The following MTRFR variants were observed in gnomAD, a reference collection of about 807,000 sequenced individuals.
MTRFR encodes the protein mitochondrial translation release factor in rescue.
MTRFR carries 10 observed loss-of-function variants against 11.9 expected under a neutral mutation model. The observed-to-expected ratio is 0.84, with a 90% CI of 0.52 to 1.42. MTRFR has a LOEUF of 1.42. MTRFR is among the 40% of genes most tolerant of loss of function. The probability of loss-of-function intolerance (pLI) is 0.00; values close to 1 mark genes in which losing one functional copy is unlikely to be tolerated. For missense variants in MTRFR, 196 were observed against 197.9 expected (o/e 0.99, Z 0.06); for synonymous variants, 77 against 79.1 (o/e 0.97, Z 0.14).
chr12:123,241,809 G>T (rs1429543342), intron 1 of MTRFR, among the ~76,000 whole-genome samples: 1 of 152,212 alleles, frequency 6.6e-6, no homozygotes, highest in African/African-American at 2.4e-5. Context: ...CATCCCTGCA[G>T]ATAGTCTGTC....
At chr12:123,246,981 G>T (rs557394149) in intron 1 of MTRFR, among the ~76,000 whole-genome samples, 114 of 151,582 alleles carry the variant, frequency 7.5e-4, no homozygotes, top group African/African-American at 2.8e-3. Flanking sequence ...CACCTGCCTC[G>T]GCCTCCCAAA....
chr12:123,254,302 G>A (rs896372117), intron 2 of MTRFR: 6 of 279,348 alleles, frequency 2.1e-5, no homozygotes, highest in South Asian at 4.8e-5. Flanking sequence ...AAAGGCAGGC[G>A]CCCGGGCAGC....
chr12:123,250,790 G>A (rs771680919), intron 1 of MTRFR: 1 of 152,218 alleles, frequency 6.6e-6, no homozygotes, highest in Non-Finnish European at 1.5e-5. Flanking sequence ...GTGGGTTAAT[G>A]GTCTATTTTT....
intron 1 of MTRFR, among the ~76,000 whole-genome samples, chr12:123,237,757 A>T (rs895370572): frequency 1.3e-5 from 2 of 152,220 alleles, no homozygotes; most frequent in African/African-American, 4.8e-5. Flanking sequence ...CTTACCAGCA[A>T]TACTCACTGG....
chr12:123,256,916 A>G lies in MTRFR; in HGVS notation c.386A>G (p.Lys129Arg). 1 of 1,613,984 alleles carries G rather than the reference A, an allele frequency of 6.2e-7. No individual in the cohort carries two copies. The highest frequency in any genetic ancestry group is 8.5e-7 in the Non-Finnish European group (1 of 1,179,980). Residue 129 changes from lysine to arginine, a missense_variant, in exon 3 of 3, where the codon AAA becomes AGA. By Grantham distance (26) the Lys-to-Arg change is conservative (BLOSUM62 2). Coordinates refer to ENST00000253233, the MANE Select transcript of MTRFR (RefSeq NM_152269.5). Reference sequence around the variant, plus strand: ...AATGGTGAAAACAGTCCTGTTCACAAAGAAAAACGAGAAGCGGCGAAGAAA... The same window carrying G: ...AATGGTGAAAACAGTCCTGTTCACAGAGAAAAACGAGAAGCGGCGAAGAAA... ...FYNGENSPVH[K>R]EKREAAKKKQ...
At chr12:123,236,112 A>T (rs2047846765) in intron 1 of MTRFR, among the ~76,000 whole-genome samples, 2 of 152,046 alleles carry the variant, frequency 1.3e-5, no homozygotes, top group Admixed American at 1.3e-4. Flanking sequence ...AAGGAAAAGG[A>T]GCTAACATTG....
intron 2 of MTRFR, among the ~76,000 whole-genome samples, chr12:123,255,787 G>A (rs1478703257): frequency 3.9e-5 from 6 of 152,154 alleles, no homozygotes; most frequent in Non-Finnish European, 7.4e-5. Flanking sequence ...ACCACGCCCA[G>A]CTAATTTTTT....
At chr12:123,235,677 G>A (rs2047839266) in intron 1 of MTRFR, among the ~76,000 whole-genome samples, 1 of 151,830 alleles carries the variant, frequency 6.6e-6, no homozygotes, top group Middle Eastern at 3.4e-3. Flanking sequence ...CGGCCTGGTA[G>A]TGAGTTATCT....
chr12:123,235,200 G>C (rs546532315), intron 1 of MTRFR, among the ~76,000 whole-genome samples: 1 of 152,124 alleles, frequency 6.6e-6, no homozygotes, highest in Non-Finnish European at 1.5e-5. Context: ...GATTTTGTTC[G>C]CACTCTAGGT....
intron 1 of MTRFR, among the ~76,000 whole-genome samples, chr12:123,237,922 G>T (rs1163322458): frequency 6.7e-6 from 1 of 149,678 alleles, no homozygotes; most frequent in East Asian, 2.0e-4. Flanking sequence ...TTGAGACGGA[G>T]TCTCACTCTG....
rs374815198 is a variant in MTRFR, at chr12:123,255,948, A to G, written c.283-865A>G. On this transcript the variant is annotated intron_variant, in intron 2 of 2. Coordinates refer to ENST00000253233, the MANE Select transcript of MTRFR (RefSeq NM_152269.5). The stretch of plus-strand genomic sequence containing the variant: ...GCCATCCAATCTTTACATTTTTGGT[A>G]CAGATGGGGGGTCTTGCTATGTTGC... 4.9e-4 allele frequency among the ~76,000 whole-genome samples: 75 copies of G among 152,210 alleles called. 1 individual carries two copies. Among genetic ancestry groups the G allele is most frequent in the African/African-American group, 1.7e-3 (72 of 41,534 alleles).
intron 1 of MTRFR, among the ~76,000 whole-genome samples, chr12:123,238,067 T>C (rs1291310937): frequency 2.0e-5 from 3 of 152,036 alleles, no homozygotes; most frequent in African/African-American, 7.2e-5. Context: ...GGCTAATTTT[T>C]TGTATTTTAG....
chr12:123,252,206 G>A (rs1158133442), intron 1 of MTRFR: 1 of 152,272 alleles, frequency 6.6e-6, no homozygotes, highest in African/African-American at 2.4e-5. Context: ...GGCTGAAGCA[G>A]GTGGATTACT....
At chr12:123,241,191 T>TA (rs1361388089) in intron 1 of MTRFR, among the ~76,000 whole-genome samples, 3 of 150,386 alleles carry the variant, frequency 2.0e-5, no homozygotes, top group African/African-American at 7.3e-5. Context: ...GGAGTCTCAC[T>TA]ATGTTGCCCA....
intron 1 of MTRFR, chr12:123,253,411 A>G (rs1038636369): frequency 8.7e-6 from 4 of 461,042 alleles, no homozygotes; most frequent in African/African-American, 4.0e-5. Flanking sequence ...TTTTTGGTCT[A>G]TTGCAAGAAA....
intron 1 of MTRFR, among the ~76,000 whole-genome samples, chr12:123,236,104 G>A (rs2047846605): frequency 1.3e-5 from 2 of 151,882 alleles, no homozygotes; most frequent in Admixed American, 6.6e-5. Context: ...AAAAAGTTAA[G>A]GAAAAGGAGC....
chr12:123,252,722 C>T (rs931089517), intron 1 of MTRFR, among the ~76,000 whole-genome samples: 1 of 151,958 alleles, frequency 6.6e-6, no homozygotes, highest in Admixed American at 6.6e-5. Context: ...GTCAGGAATT[C>T]GAGACCAGCC....
At chr12:123,246,278 C>T (rs2048038604) in intron 1 of MTRFR, among the ~76,000 whole-genome samples, 1 of 152,052 alleles carries the variant, frequency 6.6e-6, no homozygotes, top group Non-Finnish European at 1.5e-5. Flanking sequence ...GTCTTGAACT[C>T]CCAATCTCAG....
At position 123,233,544 on chromosome 12, in the gene MTRFR, G is replaced by A. The variant is rs2047766537; in HGVS notation, c.-29+13G>A. 1 of 152,254 alleles carries A rather than the reference G, an allele frequency of 6.6e-6. No individual in the cohort carries two copies. The highest frequency in any genetic ancestry group is 2.4e-5 in the African/African-American group (1 of 41,454). The allele number at this position is 152,254 out of a possible 1,614,324, so 9.4% of individuals were successfully genotyped here. A position where few individuals can be genotyped will look rare whatever the true frequency, so the allele number is the denominator to read the frequency against. The stretch of plus-strand genomic sequence containing the variant: ...GTCCTGAGACCAGGTAAGCATCTGC[G>A]GAGAAGCCAGGTAACCCTACGGCTG... On this transcript the variant is annotated intron_variant, in intron 1 of 2. Coordinates refer to ENST00000253233, the MANE Select transcript of MTRFR (RefSeq NM_152269.5).
Sources: gnomAD v4.1 joint callset for allele counts (sites outside exome capture counted in the v4.1 genomes callset) on GRCh38, gnomAD v4.1.1 for gene constraint, MANE v1.5 for transcripts, NCBI Gene and HGNC (gene_info 2026-07-23, HGNC 2026-07-21) for gene names.